Variants in PARD3B observed in about 807,000 individuals in gnomAD.
PARD3B encodes the protein partitioning defective 3 homolog B.
A neutral mutation model predicts 130.2 loss-of-function variants in PARD3B; 103 were observed. That is an observed-to-expected ratio of 0.79 (90% CI 0.67 to 0.93). PARD3B has a LOEUF of 0.93. Ranked by LOEUF, PARD3B falls within the 40% of genes least tolerant of loss-of-function variation. PARD3B has a pLI of 0.00. For synonymous variants in PARD3B, 583 were observed against 553.2 expected (o/e 1.05, Z -0.76); for missense variants, 1,609 against 1,499.2 (o/e 1.07, Z -1.21).
At chr2:205,207,466 G>A (rs925524185) in intron 15 of PARD3B, among the ~76,000 whole-genome samples, 17 of 147,146 alleles carry the variant, frequency 1.2e-4, no homozygotes, top group East Asian at 5.9e-4. Context: ...TTGATAGACC[G>A]CTAGCAAGAC....
At chr2:205,610,331 C>T (rs1245051746) in intron 22 of PARD3B, among the ~76,000 whole-genome samples, 1 of 152,168 alleles carries the variant, frequency 6.6e-6, no homozygotes. Flanking sequence ...CATTGTCTCC[C>T]TAAGACCCTG....
intron 22 of PARD3B, among the ~76,000 whole-genome samples, chr2:205,566,808 C>G (rs747488424): frequency 2.6e-5 from 4 of 152,196 alleles, no homozygotes; most frequent in Non-Finnish European, 5.9e-5. Context: ...GGCAGGTCGA[C>G]AGTGCAGACT....
intron 2 of PARD3B, among the ~76,000 whole-genome samples, chr2:204,771,971 G>A (rs1431419035): frequency 6.6e-6 from 1 of 151,988 alleles, no homozygotes; most frequent in Non-Finnish European, 1.5e-5. Context: ...ATTTTATAAA[G>A]TAACTTGAAT....
intron 2 of PARD3B, among the ~76,000 whole-genome samples, chr2:204,805,234 T>C (rs1354810356): frequency 6.6e-6 from 1 of 151,966 alleles, no homozygotes; most frequent in Non-Finnish European, 1.5e-5. Flanking sequence ...AAAGAGACAT[T>C]ACAACTGATA....
chr2:205,193,211 G>A lies in PARD3B; in HGVS notation c.2031G>A (p.Gly677=), dbSNP rs2036487752. The change falls in exon 15 of 23, where the codon GGG becomes GGA. Residue 677 remains glycine, a synonymous_variant. Coordinates refer to ENST00000406610, the MANE Select transcript of PARD3B (RefSeq NM_001302769.2). ...ATATGGCTTCCTTCCACAGCTCTGG[G>A]GTGGATTCAGCAGTATATTTTCCAG... The part of the protein sequence containing the change: ...LGLEDYSHSS[G]VDSAVYFPDQ... 1.2e-6 allele frequency: 2 copies of A among 1,603,124 alleles called. No homozygotes were observed. The highest frequency in any genetic ancestry group is 1.7e-6 in the Non-Finnish European group (2 of 1,170,170).
At chr2:204,788,723 A>G (rs2042096247) in intron 2 of PARD3B, among the ~76,000 whole-genome samples, 1 of 152,176 alleles carries the variant, frequency 6.6e-6, no homozygotes, top group Admixed American at 6.5e-5. Flanking sequence ...TAAAATATTG[A>G]GGTGAGATGA....
chr2:205,344,549 A>C (rs140331240), intron 18 of PARD3B, among the ~76,000 whole-genome samples: 24 of 152,290 alleles, frequency 1.6e-4, no homozygotes, highest in African/African-American at 5.8e-4. Flanking sequence ...TGTCCCAGGT[A>C]GTCCTTGATT....
chr2:205,571,673 C>G (rs1456369127), intron 22 of PARD3B, among the ~76,000 whole-genome samples: 1 of 152,152 alleles, frequency 6.6e-6, no homozygotes, highest in Non-Finnish European at 1.5e-5. Context: ...AGTCACTTGG[C>G]TCTCCATCGA....
chr2:205,456,344 G>A (rs780049758), intron 20 of PARD3B, among the ~76,000 whole-genome samples: 13 of 152,012 alleles, frequency 8.6e-5, no homozygotes, highest in Non-Finnish European at 1.8e-4. Context: ...GCTTTTGTGT[G>A]AACATATGTT....
chr2:204,937,673 A>T (rs1466232526), intron 2 of PARD3B, among the ~76,000 whole-genome samples: 1 of 152,168 alleles, frequency 6.6e-6, no homozygotes, highest in African/African-American at 2.4e-5. Flanking sequence ...CTGCTGTGGG[A>T]TCAACAAATT....
intron 2 of PARD3B, among the ~76,000 whole-genome samples, chr2:204,956,694 A>G (rs894982615): frequency 1.2e-4 from 18 of 152,156 alleles, no homozygotes; most frequent in African/African-American, 4.3e-4. Context: ...GTAGATTGGG[A>G]TCATCTTTGA....
intron 1 of PARD3B, among the ~76,000 whole-genome samples, chr2:204,676,271 A>G (rs1261863847): frequency 6.6e-6 from 1 of 151,620 alleles, no homozygotes; most frequent in Non-Finnish European, 1.5e-5. Flanking sequence ...GAGATGAAAG[A>G]CCTTTTTCTT....
intron 15 of PARD3B, among the ~76,000 whole-genome samples, chr2:205,204,689 C>G (rs1346031399): frequency 6.6e-6 from 1 of 152,146 alleles, no homozygotes; most frequent in Non-Finnish European, 1.5e-5. Flanking sequence ...TTCCCAACAC[C>G]ATTTATTAAA....
chr2:205,127,607 G>A (rs1203138601), intron 10 of PARD3B, among the ~76,000 whole-genome samples: 1 of 152,154 alleles, frequency 6.6e-6, no homozygotes, highest in Non-Finnish European at 1.5e-5. Flanking sequence ...TCTTCAGACA[G>A]TTTCCAAGTT....
chr2:205,176,569 A>G lies in PARD3B; in HGVS notation c.1916A>G (p.Lys639Arg). ...HPLGTCSPQD[K>R]QKGLLLPNDG... ...CTTGGCACTTGCAGTCCACAAGACA[A>G]ACAGAAAGGTAAGAGTCTATTCATT... The change falls in exon 13 of 23, where the codon AAA (lysine) becomes AGA (arginine). Residue 639 changes from lysine to arginine, a missense_variant. Coordinates refer to ENST00000406610, the MANE Select transcript of PARD3B (RefSeq NM_001302769.2). The surrounding 1 kb of genome is among the most constrained non-coding windows in gnomAD (Gnocchi z 5.3). 1.2e-6 allele frequency: 2 copies of G among 1,608,816 alleles called. No homozygotes were observed. The highest frequency in any genetic ancestry group is 1.3e-5 in the African/African-American group (1 of 74,670).
intron 3 of PARD3B, among the ~76,000 whole-genome samples, chr2:204,977,998 G>A (rs1008697148): frequency 6.6e-6 from 1 of 152,050 alleles, no homozygotes; most frequent in Non-Finnish European, 1.5e-5. Flanking sequence ...CTGGCAGAGA[G>A]AGAACAGAAC....
rs1189099160 is a variant in PARD3B at position 205,263,948 on chromosome 2, T to C, written c.2185+18126T>C. Among the ~76,000 whole-genome samples the C allele has an allele frequency of 6.6e-6, 1 of 151,074 alleles. No homozygotes were observed. The highest frequency in any genetic ancestry group is 2.4e-5 in the African/African-American group (1 of 41,082). On this transcript the variant is annotated intron_variant, in intron 16 of 22. Coordinates refer to ENST00000406610, the MANE Select transcript of PARD3B (RefSeq NM_001302769.2). This position sits in a 1 kb window ranked among gnomAD's most constrained non-coding sequence, Gnocchi z 4.0. ...AAGAGTAATGAGAAGTGGAAGAAGATTGTCAGAGAGAATAGGACACAAATG... is the reference window on the plus strand; with the variant it reads ...AAGAGTAATGAGAAGTGGAAGAAGACTGTCAGAGAGAATAGGACACAAATG...
At chr2:205,251,714 A>C (rs996510103) in intron 16 of PARD3B, among the ~76,000 whole-genome samples, 1 of 152,166 alleles carries the variant, frequency 6.6e-6, no homozygotes, top group African/African-American at 2.4e-5. Flanking sequence ...ATTGGATTGC[A>C]AATTTTCATG....
intron 3 of PARD3B, among the ~76,000 whole-genome samples, chr2:205,046,170 G>A (rs371593011): frequency 7.9e-5 from 12 of 151,878 alleles, no homozygotes; most frequent in African/African-American, 2.9e-4. Context: ...ATTACCTAAG[G>A]GACAGAAAAA....
Sources: gnomAD v4.1 joint callset for allele counts (sites outside exome capture counted in the v4.1 genomes callset) on GRCh38, gnomAD v4.1.1 for gene constraint, Gnocchi (gnomAD v3.1) non-coding constraint, MANE v1.5 for transcripts, NCBI Gene and HGNC (gene_info 2026-07-23, HGNC 2026-07-21) for gene names.